The following KCNH8 variants were observed in gnomAD, a reference collection of about 807,000 sequenced individuals.
KCNH8 encodes potassium voltage-gated channel subfamily H member 8.
Under a neutral mutation model 103.6 loss-of-function variants are expected in KCNH8, and 70 were observed. That is an observed-to-expected ratio of 0.68 (90% confidence interval 0.56 to 0.82). The LOEUF (loss-of-function observed/expected upper bound fraction) is 0.82, where lower values mean the gene tolerates loss of function less well. KCNH8 is among the 40% of genes least tolerant of loss of function. The pLI is 0.00. For synonymous variants in KCNH8, 498 were observed against 489.4 expected (o/e 1.02, Z -0.23); for missense variants, 1,217 against 1,329.9 (o/e 0.92, Z 1.32).
chr3:19,272,881 C>G (rs934324434), intron 2 of KCNH8, among the ~76,000 whole-genome samples: 1 of 152,068 alleles, frequency 6.6e-6, no homozygotes, highest in Non-Finnish European at 1.5e-5. Flanking sequence ...TTGTTTTTCA[C>G]TCCAATTAGA....
chr3:19,517,968 G>A (rs1403221843), intron 14 of KCNH8, 30 bp from the exon 15 acceptor site: 8 of 1,566,778 alleles, frequency 5.1e-6, no homozygotes, highest in South Asian at 1.1e-5. Flanking sequence ...ATTCCTAAAG[G>A]ACTCATTCTG....
intron 2 of KCNH8, among the ~76,000 whole-genome samples, chr3:19,267,642 A>C (rs951649950): frequency 6.6e-6 from 1 of 152,084 alleles, no homozygotes; most frequent in South Asian, 2.1e-4. Flanking sequence ...GATTAACCCT[A>C]CAATATCTAA....
In KCNH8 at chr3:19,535,258, T is replaced by C. The variant is rs557089263; in HGVS notation, c.*1159T>C. On this transcript the variant is annotated 3_prime_UTR_variant, in exon 16 of 16. Coordinates refer to ENST00000328405, the MANE Select transcript of KCNH8 (RefSeq NM_144633.3). ...GGAGCCAAGACTTCTGAGCTATAAC[T>C]TGTGGGAGTAATACCAGCTTGCAAT... 2.6e-5 allele frequency: 4 copies of C among 152,368 alleles called. No homozygotes were observed. The highest frequency in any genetic ancestry group is 9.6e-5 in the African/African-American group (4 of 41,584). 9.4% of individuals were successfully genotyped at this position (152,368 alleles called of 1,614,324 possible).
At chr3:19,345,968 A>T (rs1341174347) in intron 4 of KCNH8, among the ~76,000 whole-genome samples, 1 of 152,068 alleles carries the variant, frequency 6.6e-6, no homozygotes, top group Non-Finnish European at 1.5e-5. Context: ...TCAAAGACAA[A>T]AACAAAAACT....
At chr3:19,198,999 G>T (rs79375105) in intron 1 of KCNH8, among the ~76,000 whole-genome samples, 2,985 of 152,120 alleles carry the variant, frequency 0.02, 93 homozygotes, top group African/African-American at 0.066. Flanking sequence ...GTGAACAGAT[G>T]ATAAAGACTG....
intron 2 of KCNH8, among the ~76,000 whole-genome samples, chr3:19,272,138 G>T (rs965766009): frequency 1.3e-5 from 2 of 151,998 alleles, no homozygotes; most frequent in African/African-American, 4.8e-5. Flanking sequence ...ATCAAATCAA[G>T]ATTAAAATTA....
intron 5 of KCNH8, among the ~76,000 whole-genome samples, chr3:19,379,415 G>T (rs2066257402): frequency 6.6e-6 from 1 of 152,168 alleles, no homozygotes; most frequent in Non-Finnish European, 1.5e-5. Flanking sequence ...GCCATGGTGG[G>T]CAGATCACGA....
chr3:19,439,490 C>T (rs184944672), intron 8 of KCNH8, among the ~76,000 whole-genome samples: 54 of 152,172 alleles, frequency 3.5e-4, no homozygotes, highest in African/African-American at 1.3e-3. Context: ...AAAGCATCAA[C>T]AAAAATACAC....
At position 19,529,895 on chromosome 3, in the gene KCNH8, T is replaced by C. The variant is rs564138711; in HGVS notation, c.2620-3500T>C. 2.0e-5 allele frequency among the ~76,000 whole-genome samples: 3 copies of C among 152,316 alleles called. No individual in the cohort carries two copies. The South Asian group carries it at 6.2e-4, about 32-fold the overall frequency. Reference sequence around the variant, plus strand: ...TTCCCTCTAGAGTTAAAGAAACCTCTGTTTCCTTGAGTTACTTGCTCCTTT... The same window carrying C: ...TTCCCTCTAGAGTTAAAGAAACCTCCGTTTCCTTGAGTTACTTGCTCCTTT... On this transcript the variant is annotated intron_variant, in intron 15 of 15. Transcript: ENST00000328405.
chr3:19,215,846 T>G (rs1012035941), intron 1 of KCNH8, among the ~76,000 whole-genome samples: 3 of 152,254 alleles, frequency 2.0e-5, no homozygotes, highest in African/African-American at 7.2e-5. Flanking sequence ...TAGCCATGTT[T>G]TCTTTGTGGC....
intron 5 of KCNH8, among the ~76,000 whole-genome samples, chr3:19,377,581 G>A (rs959245855): frequency 1.3e-5 from 2 of 152,142 alleles, no homozygotes; most frequent in Non-Finnish European, 2.9e-5. Context: ...TGACCTCAAC[G>A]GATCATATTA....
chr3:19,226,739 C>T (rs2063936740), intron 1 of KCNH8, among the ~76,000 whole-genome samples: 1 of 152,064 alleles, frequency 6.6e-6, no homozygotes, highest in Non-Finnish European at 1.5e-5. Context: ...GTGCCATTCA[C>T]AAAAGACCCC....
chr3:19,311,406 G>A (rs1444108998), intron 3 of KCNH8, among the ~76,000 whole-genome samples: 1 of 151,556 alleles, frequency 6.6e-6, no homozygotes, highest in Non-Finnish European at 1.5e-5. Flanking sequence ...GTACAGCCCG[G>A]TTGCAGAGCT....
intron 2 of KCNH8, among the ~76,000 whole-genome samples, chr3:19,267,000 A>G (rs2064521662): frequency 6.6e-6 from 1 of 152,070 alleles, no homozygotes; most frequent in Admixed American, 6.6e-5. Flanking sequence ...ATCTGTTTGT[A>G]TGGGAAGTGA....
intron 1 of KCNH8, among the ~76,000 whole-genome samples, chr3:19,164,269 A>G (rs2063261473): frequency 6.6e-6 from 1 of 152,178 alleles, no homozygotes; most frequent in Non-Finnish European, 1.5e-5. Context: ...CAAAGCTAGA[A>G]CAGGAGAAGG....
intron 11 of KCNH8, among the ~76,000 whole-genome samples, chr3:19,467,960 C>A (rs1318130535): frequency 7.9e-5 from 12 of 152,180 alleles, no homozygotes; most frequent in African/African-American, 2.9e-4. Flanking sequence ...TCCCTCCCTC[C>A]CCTCCTCCCC....
intron 2 of KCNH8, among the ~76,000 whole-genome samples, chr3:19,254,267 G>T (rs937760710): frequency 4.6e-5 from 7 of 151,576 alleles, no homozygotes; most frequent in African/African-American, 1.5e-4. Flanking sequence ...TGCCTTTAAA[G>T]AACTACATCT....
intron 11 of KCNH8, among the ~76,000 whole-genome samples, chr3:19,506,313 G>C (rs1353148204): frequency 6.6e-6 from 1 of 152,146 alleles, no homozygotes; most frequent in African/African-American, 2.4e-5. Context: ...GGTGTAATTT[G>C]GGTATAATCA....
intron 2 of KCNH8, among the ~76,000 whole-genome samples, chr3:19,262,684 G>A (rs1272327712): frequency 6.6e-6 from 1 of 151,982 alleles, no homozygotes; most frequent in Non-Finnish European, 1.5e-5. Context: ...AGAATGTGTT[G>A]TATCCAAATG....
Sources: allele counts gnomAD v4.1 joint callset (sites outside exome capture counted in the v4.1 genomes callset), GRCh38; gene constraint gnomAD v4.1.1; transcripts MANE v1.5; gene names NCBI Gene and HGNC (gene_info 2026-07-23, HGNC 2026-07-21).